TTC12: variants seen among roughly 807,000 people sequenced by gnomAD.
The protein encoded by TTC12 is tetratricopeptide repeat protein 12.
In TTC12, 70 loss-of-function variants were observed where a neutral mutation model predicts 90.1. The ratio of observed to expected loss-of-function variants is 0.78; its 90% CI spans 0.64 to 0.95. The LOEUF is 0.95. Among genes scored for constraint, TTC12 ranks in the 40% least tolerant of loss-of-function variants. The pLI, the probability that TTC12 is intolerant of heterozygous loss-of-function variation, is 0.00. For synonymous variants in TTC12, 296 were observed against 311.5 expected (o/e 0.95, Z 0.53); for missense variants, 819 against 846.1 (o/e 0.97, Z 0.40).
chr11:113,356,399 ACTCT>A (rs1949639692), intron 16 of TTC12, among the ~76,000 whole-genome samples: 1 of 151,860 alleles, frequency 6.6e-6, no homozygotes, highest in Non-Finnish European at 1.5e-5. Context: ...CCAGCTTGCC[ACTCT>A]GTGTCTTGGG....
In TTC12 at chr11:113,323,402, G is replaced by T; in HGVS notation, c.173G>T (p.Arg58Met). 1 of 1,612,798 alleles carries T rather than the reference G, an allele frequency of 6.2e-7. No homozygotes were observed. The highest frequency in any genetic ancestry group is 2.2e-5 in the East Asian group (1 of 44,808). Residue 58 changes from arginine to methionine, a missense_variant, in exon 3 of 22, where the codon AGG becomes ATG. Transcript: ENST00000529221. ...MEEDQEEDEC[R>M]TTLNKTMISP... ...GAAGACCAGGAGGAGGATGAATGCA[G>T]GACCACCTTGAACAAGACTATGATC...
intron 9 of TTC12, 73 bp downstream of exon 9, chr11:113,338,907 G>A (rs947077162): frequency 3.0e-5 from 42 of 1,383,640 alleles, no homozygotes; most frequent in East Asian, 1.1e-4. Context: ...AATGCCTTCC[G>A]TGCTTTCACT....
intron 7 of TTC12, 67 bp downstream of exon 7, chr11:113,330,046 G>A: frequency 7.9e-7 from 1 of 1,270,500 alleles, no homozygotes; most frequent in Non-Finnish European, 1.2e-6. Flanking sequence ...AGCTGCCAGT[G>A]TATCAAGATA....
chr11:113,369,122 TTG>T (rs1950305754), downstream of TTC12: 1 of 148,432 alleles, frequency 6.7e-6, no homozygotes, highest in Non-Finnish European at 1.5e-5. Context: ...TGTGCATTGT[TTG>T]TTTGTTTGTT....
intron 2 of TTC12, among the ~76,000 whole-genome samples, chr11:113,316,801 GAAA>G (rs1946966774): frequency 6.6e-6 from 1 of 152,214 alleles, no homozygotes; most frequent in Non-Finnish European, 1.5e-5. Context: ...CTCTAGACAA[GAAA>G]GTCCTTTCCC....
In TTC12 at chr11:113,364,831, G is replaced by A; in HGVS notation, c.1817-4G>A. On this transcript the variant is annotated splice_region_variant and splice_polypyrimidine_tract_variant and intron_variant, in intron 20 of 21. Transcript: ENST00000529221. ...CTGTTGCTTGTTCTCTTCTTTCCCT[G>A]CAGAGTTGAGCGTTATGATGAAGCT... is the stretch of plus-strand genomic sequence containing the variant. The A allele has an allele frequency of 6.2e-7, 1 of 1,613,250 alleles. No individual in the cohort carries two copies. The highest frequency in any genetic ancestry group is 1.1e-5 in the South Asian group (1 of 91,050).
At chr11:113,337,513 A>T (rs970978570) in intron 8 of TTC12, among the ~76,000 whole-genome samples, 9 of 152,160 alleles carry the variant, frequency 5.9e-5, no homozygotes, top group African/African-American at 2.2e-4. Flanking sequence ...TGGTGGAGGG[A>T]TAGCTAGAAT....
At chr11:113,346,244 T>TTG (rs1555148089) in intron 13 of TTC12, among the ~76,000 whole-genome samples, 3 of 152,060 alleles carry the variant, frequency 2.0e-5, no homozygotes, top group Admixed American at 1.3e-4. Flanking sequence ...ATGTCTCTGC[T>TTG]TGTGTGACCC....
chr11:113,344,172 A>G (rs763286480), intron 12 of TTC12, 100 bp from the exon 13 acceptor site: 52 of 1,278,318 alleles, frequency 4.1e-5, no homozygotes, highest in Non-Finnish European at 4.8e-5. Context: ...CCTTCAAATG[A>G]GTGGGCACCA....
At chr11:113,348,987 C>A (rs539894755) in intron 13 of TTC12, among the ~76,000 whole-genome samples, 1 of 152,376 alleles carries the variant, frequency 6.6e-6, no homozygotes, top group East Asian at 1.9e-4. Context: ...GCCTGACATG[C>A]CTCTGTACCC....
chr11:113,371,595 G>C (rs1950387659), intron 21 of TTC12: 1 of 152,024 alleles, frequency 6.6e-6, no homozygotes, highest in African/African-American at 2.4e-5. Flanking sequence ...ACTCAGAAAG[G>C]CCAAGTGAAG....
chr11:113,330,520 A>G (rs1374621552), intron 7 of TTC12, among the ~76,000 whole-genome samples: 1 of 152,274 alleles, frequency 6.6e-6, no homozygotes, highest in Non-Finnish European at 1.5e-5. Flanking sequence ...TCAAGGATGC[A>G]TAGACATAAA....
chr11:113,327,856 G>A (rs782393343), intron 6 of TTC12, among the ~76,000 whole-genome samples: 11 of 152,160 alleles, frequency 7.2e-5, no homozygotes, highest in Admixed American at 4.6e-4. Context: ...TCAAAGAGTC[G>A]TCTTCTCTAA....
intron 14 of TTC12, 139 bp from the exon 15 acceptor site, chr11:113,351,099 CT>C: frequency 7.7e-6 from 5 of 649,770 alleles, no homozygotes; most frequent in South Asian, 5.5e-5. Flanking sequence ...ATGCTTTTTT[CT>C]TTTTTTGGTT....
chr11:113,337,863 A>G (rs371523527), intron 8 of TTC12, among the ~76,000 whole-genome samples: 1 of 152,062 alleles, frequency 6.6e-6, no homozygotes, highest in African/African-American at 2.4e-5. Context: ...GATTTGGGAT[A>G]TTTACTGACA....
At position 113,318,039 on chromosome 11, in the gene TTC12, G is replaced by A. The variant is rs949950125; in HGVS notation, c.58+1724G>A. Among the ~76,000 whole-genome samples the A allele has an allele frequency of 3.3e-5, 5 of 152,132 alleles. 1 individual carries two copies. The highest frequency in any genetic ancestry group is 9.7e-5 in the African/African-American group (4 of 41,420). On this transcript the variant is annotated intron_variant, in intron 2 of 21. Transcript: ENST00000529221. ...GGCTGCAGCCCAGGTTTGAAATGCG[G>A]CTTGTTTCAATTAATTTAAATTTAT...
intron 1 of TTC12, chr11:113,314,971 A>C (rs1460137136): frequency 7.1e-6 from 1 of 140,846 alleles, no homozygotes; most frequent in East Asian, 1.9e-4. Flanking sequence ...CTCTCACCCT[A>C]GCGTAGGGGG....
intron 20 of TTC12, 100 bp downstream of exon 20, chr11:113,364,027 C>T (rs1950079225): frequency 1.4e-6 from 1 of 735,810 alleles, no homozygotes; most frequent in East Asian, 2.7e-5. Flanking sequence ...AGCAGCAATG[C>T]TGTTAACCTC....
At chr11:113,323,875 A>T (rs1947513191) in intron 3 of TTC12, 119 bp from the exon 4 acceptor site, 2 of 748,078 alleles carry the variant, frequency 2.7e-6, no homozygotes, top group East Asian at 5.6e-5. Flanking sequence ...TTCAGTTTTG[A>T]TGGTTAAAAG....
Sources: gnomAD v4.1 joint callset for allele counts (sites outside exome capture counted in the v4.1 genomes callset) on GRCh38, gnomAD v4.1.1 for gene constraint, MANE v1.5 for transcripts, NCBI Gene and HGNC (gene_info 2026-07-23, HGNC 2026-07-21) for gene names.